Variants in SH3RF1 observed in about 807,000 individuals in gnomAD.
The protein encoded by SH3RF1 is E3 ubiquitin-protein ligase SH3RF1.
Under a neutral mutation model 74.0 loss-of-function variants are expected in SH3RF1, and 32 were observed. That is an observed-to-expected ratio of 0.43 (90% confidence interval 0.33 to 0.58). SH3RF1 has a LOEUF of 0.58. SH3RF1 is among the 20% of genes least tolerant of loss of function. The pLI is 0.05. For missense variants in SH3RF1, 954 were observed against 1,130.9 expected (o/e 0.84, Z 2.24); for synonymous variants, 396 against 439.6 (o/e 0.90, Z 1.24).
chr4:169,098,163 A>G (rs1409895518), intron 11 of SH3RF1, among the ~76,000 whole-genome samples: 2 of 152,240 alleles, frequency 1.3e-5, no homozygotes, highest in African/African-American at 4.8e-5. Context: ...TAAGCCACTG[A>G]CTTTTGGGCG....
chr4:169,204,375 CAT>C (rs1730197838), intron 2 of SH3RF1, among the ~76,000 whole-genome samples: 2 of 152,072 alleles, frequency 1.3e-5, no homozygotes, highest in African/African-American at 4.8e-5. Context: ...ATCAAAACAA[CAT>C]ATTTTTATAA....
chr4:169,178,329 T>TAAAAAAATAAGCAACTATGCTTATTTA (rs1734456331), intron 2 of SH3RF1, among the ~76,000 whole-genome samples: 1 of 52,246 alleles, frequency 1.9e-5, no homozygotes, highest in South Asian at 7.6e-4. Flanking sequence ...TATGCTTATT[T>TAAAAAAATAAGCAACTATGCTTATTTA]AAAAAAATAA....
chr4:169,128,844 C>T (rs577568870), intron 6 of SH3RF1, among the ~76,000 whole-genome samples: 4 of 152,282 alleles, frequency 2.6e-5, no homozygotes, highest in African/African-American at 9.6e-5. Context: ...ATTCCTGGTA[C>T]AGACAGCAAA....
chr4:169,255,348 A>T (rs1053984637), intron 2 of SH3RF1, among the ~76,000 whole-genome samples: 1 of 152,244 alleles, frequency 6.6e-6, no homozygotes, highest in Admixed American at 6.5e-5. Flanking sequence ...ATGCATCAGT[A>T]AAGTACATAA....
At position 169,165,434 on chromosome 4, in the gene SH3RF1, C is replaced by A. The variant is rs1042631869; in HGVS notation, c.394-8755G>T. On this transcript the variant is annotated intron_variant, in intron 2 of 11. Transcript: ENST00000284637. ...CAGTGGCTCATGCCTGCAAACCCAG[C>A]ACTTTGGGAGGCTAAGGCAGGCAGA... Among the ~76,000 whole-genome samples, 4 of 152,118 alleles carry A rather than the reference C, an allele frequency of 2.6e-5. No individual in the cohort carries two copies. In the East Asian group the frequency reaches 7.7e-4, roughly 29 times the overall value.
chr4:169,180,217 T>C (rs894876603), intron 2 of SH3RF1, among the ~76,000 whole-genome samples: 11 of 151,912 alleles, frequency 7.2e-5, no homozygotes, highest in Non-Finnish European at 1.6e-4. Context: ...ATGTCCCAAC[T>C]TGAAAAGGGA....
intron 10 of SH3RF1, among the ~76,000 whole-genome samples, chr4:169,111,361 C>T (rs945999587): frequency 5.3e-5 from 8 of 150,472 alleles, no homozygotes; most frequent in African/African-American, 1.9e-4. Flanking sequence ...CTCAAGCCAT[C>T]CTCCCACCTC....
At chr4:169,165,370 C>T (rs1215475865) in intron 2 of SH3RF1, among the ~76,000 whole-genome samples, 2 of 152,168 alleles carry the variant, frequency 1.3e-5, no homozygotes, top group East Asian at 3.9e-4. Flanking sequence ...GTGTTGAGAA[C>T]ATGTTTTAGT....
At chr4:169,166,330 GGCTGAT>G (rs1319899459) in intron 2 of SH3RF1, 1 of 154,862 alleles carries the variant, frequency 6.5e-6, no homozygotes, top group Non-Finnish European at 1.5e-5. Flanking sequence ...AAGCCACGAA[GGCTGAT>G]GCTGGTGGTA....
chr4:169,119,557 T>C (rs1449138970), intron 8 of SH3RF1, among the ~76,000 whole-genome samples: 1 of 152,192 alleles, frequency 6.6e-6, no homozygotes, highest in Non-Finnish European at 1.5e-5. Context: ...TCCATTATTA[T>C]CATTATTTTG....
chr4:169,158,270 T>G lies in SH3RF1; in HGVS notation c.394-1591A>C, dbSNP rs10014183. Among the ~76,000 whole-genome samples the G allele has an allele frequency of 3.9e-3, 588 of 152,240 alleles. 5 individuals are homozygous for G. Among genetic ancestry groups the G allele is most frequent in the African/African-American group, 0.014 (570 of 41,522 alleles). On this transcript the variant is annotated intron_variant, in intron 2 of 11. Transcript: ENST00000284637. Reference sequence around the variant, plus strand: ...GACACATGAGCCAAGTCTTAAAGGATGCACAGGAATTAGTTGTCAAGGTTG... The same window carrying G: ...GACACATGAGCCAAGTCTTAAAGGAGGCACAGGAATTAGTTGTCAAGGTTG...
chr4:169,235,956 T>C (rs1046388733), intron 2 of SH3RF1, among the ~76,000 whole-genome samples: 1 of 152,314 alleles, frequency 6.6e-6, no homozygotes, highest in South Asian at 2.1e-4. Flanking sequence ...GCTGGGATTA[T>C]AGGCGTGAGC....
chr4:169,229,674 G>C (rs925689922), intron 2 of SH3RF1, among the ~76,000 whole-genome samples: 6 of 152,082 alleles, frequency 3.9e-5, no homozygotes, highest in South Asian at 2.1e-4. Context: ...TACTAATGTA[G>C]AGCATATCTC....
chr4:169,120,708 C>T, intron 8 of SH3RF1, 111 bp downstream of exon 8: 5 of 1,108,744 alleles, frequency 4.5e-6, no homozygotes, highest in Non-Finnish European at 6.3e-6. Context: ...AAAACCTTGG[C>T]TATGTAACAG....
chr4:169,200,858 G>A (rs560360776), intron 2 of SH3RF1, among the ~76,000 whole-genome samples: 2 of 152,224 alleles, frequency 1.3e-5, no homozygotes, highest in East Asian at 3.9e-4. Context: ...GAGTAAACTG[G>A]TAAGTTTCTA....
At chr4:169,194,364 T>C (rs2126986389) in intron 2 of SH3RF1, among the ~76,000 whole-genome samples, 1 of 152,228 alleles carries the variant, frequency 6.6e-6, no homozygotes, top group Middle Eastern at 3.4e-3. Flanking sequence ...AACTACCCTC[T>C]CCCTTTCCCA....
chr4:169,150,925 G>A (rs1733967084), intron 4 of SH3RF1, among the ~76,000 whole-genome samples: 1 of 151,958 alleles, frequency 6.6e-6, no homozygotes, highest in African/African-American at 2.4e-5. Flanking sequence ...AAAAAAACAG[G>A]AAAAAAGCTT....
chr4:169,153,859 AG>A (rs1284311991), intron 4 of SH3RF1, among the ~76,000 whole-genome samples: 1 of 152,242 alleles, frequency 6.6e-6, no homozygotes, highest in Non-Finnish European at 1.5e-5. Flanking sequence ...TTCCAACTTA[AG>A]TCAGAGTAAA....
At chr4:169,164,124 G>A (rs976149718) in intron 2 of SH3RF1, among the ~76,000 whole-genome samples, 1 of 152,130 alleles carries the variant, frequency 6.6e-6, no homozygotes, top group Middle Eastern at 3.2e-3. Context: ...TATGAATACT[G>A]TTATCATGGC....
Sources: allele counts gnomAD v4.1 joint callset (sites outside exome capture counted in the v4.1 genomes callset), GRCh38; gene constraint gnomAD v4.1.1; transcripts MANE v1.5; gene names NCBI Gene and HGNC (gene_info 2026-07-23, HGNC 2026-07-21).